MYCBP2: variants seen among roughly 807,000 people sequenced by gnomAD.
MYCBP2 encodes E3 ubiquitin-protein ligase MYCBP2.
MYCBP2 carries 120 observed loss-of-function variants against 525.3 expected under a neutral mutation model. The ratio of observed to expected loss-of-function variants is 0.23; its 90% CI spans 0.20 to 0.27. MYCBP2 has a LOEUF of 0.27. MYCBP2 is among the 10% of genes least tolerant of loss of function. The pLI is 1.00. For synonymous variants in MYCBP2, 1,894 were observed against 1,955.8 expected, an observed-to-expected ratio of 0.97 and a Z score of 0.83; for missense variants, 4,149 against 5,657.1, an observed-to-expected ratio of 0.73 and a Z score of 8.55.
chr13:77,280,957 T>A (rs560721877), intron 3 of MYCBP2, among the ~76,000 whole-genome samples: 1 of 152,332 alleles, frequency 6.6e-6, no homozygotes, highest in Non-Finnish European at 1.5e-5. Context: ...AAAATCAACC[T>A]CAAGTTCTGC....
chr13:77,101,515 C>A (rs561686893), intron 55 of MYCBP2, among the ~76,000 whole-genome samples: 1 of 151,964 alleles, frequency 6.6e-6, no homozygotes, highest in African/African-American at 2.4e-5. Context: ...ACCAGGAACA[C>A]CACTTGTCAT....
chr13:77,140,294 G>A (rs930612811), intron 50 of MYCBP2, 131 bp from the exon 51 acceptor site: 4 of 558,578 alleles, frequency 7.2e-6, no homozygotes, highest in Non-Finnish European at 1.3e-5. Flanking sequence ...TATTTGTAGA[G>A]AGGCTCCCTC....
intron 1 of MYCBP2, among the ~76,000 whole-genome samples, chr13:77,310,618 T>C (rs527508322): frequency 1.3e-5 from 2 of 152,172 alleles, no homozygotes; most frequent in South Asian, 2.1e-4. Context: ...ATATATATAA[T>C]TGGATTCCCA....
chr13:77,284,539 C>T (rs937299220), intron 3 of MYCBP2, among the ~76,000 whole-genome samples: 2 of 152,206 alleles, frequency 1.3e-5, no homozygotes, highest in African/African-American at 4.8e-5. Context: ...CCCATAGTAT[C>T]TGCTTGCCTC....
At chr13:77,169,395 CA>C (rs371575329) in intron 39 of MYCBP2, among the ~76,000 whole-genome samples, 767 of 33,794 alleles carry the variant, frequency 0.023, 1 homozygote, top group Non-Finnish European at 0.029. Flanking sequence ...GACTCCGTCT[CA>C]AAAAAAAAAA....
At chr13:77,115,259 T>C (rs528397272) in intron 55 of MYCBP2, among the ~76,000 whole-genome samples, 1 of 151,866 alleles carries the variant, frequency 6.6e-6, no homozygotes, top group Admixed American at 6.6e-5. Flanking sequence ...AAATAAGGAA[T>C]GTAATATTCT....
chr13:77,140,082 C>T lies in MYCBP2; in HGVS notation c.7483G>A (p.Val2495Met). 1 of 1,612,804 alleles carries T rather than the reference C, an allele frequency of 6.2e-7. No homozygotes were observed. Among genetic ancestry groups the T allele is most frequent in the Middle Eastern group, 1.7e-4 (1 of 6,054 alleles). Residue 2495 changes from valine (V) to methionine (M), a missense_variant, in exon 51 of 83, where the codon GTG (valine) becomes ATG (methionine). Around this residue, in one of 21 missense-constraint regions of MYCBP2, gnomAD observed 692 missense variants for 852.7 expected, o/e 0.81. Transcript: ENST00000544440. ...AAAGTGATAGTTCCATTGACTTTCA[C>T]TATGCCTATCTGCTCACTCTGAAGG... ...PSLQSEQIGI[V>M]KVNGTITFID...
In MYCBP2 at chr13:77,255,439, T is replaced by C. The variant is rs575451638; in HGVS notation, c.2176+2232A>G. 1.1e-3 allele frequency among the ~76,000 whole-genome samples: 164 copies of C among 152,058 alleles called. 1 individual carries two copies. The highest frequency in any genetic ancestry group is 1.7e-3 in the Non-Finnish European group (118 of 67,844). Reference sequence around the variant, plus strand: ...GTCACTGAAGAATCTAGAACATAGGTGTAAATGTACGCTCAATTTTCACAA... The same window carrying C: ...GTCACTGAAGAATCTAGAACATAGGCGTAAATGTACGCTCAATTTTCACAA... On this transcript the variant is annotated intron_variant, in intron 14 of 82. Coordinates refer to ENST00000544440, the MANE Select transcript of MYCBP2 (RefSeq NM_015057.5).
intron 3 of MYCBP2, among the ~76,000 whole-genome samples, chr13:77,281,125 T>A (rs193002592): frequency 6.6e-6 from 1 of 152,192 alleles, no homozygotes; most frequent in East Asian, 1.9e-4. Context: ...TGAAGTCTTA[T>A]AGTCAATGAA....
chr13:77,162,489 A>G (rs755682729), intron 43 of MYCBP2, among the ~76,000 whole-genome samples: 1 of 152,162 alleles, frequency 6.6e-6, no homozygotes, highest in Non-Finnish European at 1.5e-5. Flanking sequence ...TACTTGTTCA[A>G]TGGGAAATAC....
chr13:77,121,291 C>T (rs2050647126), intron 55 of MYCBP2, 82 bp downstream of exon 55: 1 of 1,224,626 alleles, frequency 8.2e-7, no homozygotes, highest in Non-Finnish European at 1.1e-6. Flanking sequence ...TCTGGGTGAA[C>T]ACAAATAAAA....
intron 55 of MYCBP2, among the ~76,000 whole-genome samples, chr13:77,102,823 T>C (rs2047278169): frequency 6.6e-6 from 1 of 151,858 alleles, no homozygotes; most frequent in Admixed American, 6.6e-5. Flanking sequence ...TATATAACAA[T>C]AAGTTTAAGA....
rs983930245 is a variant in MYCBP2 at position 77,173,776 on chromosome 13, GGTT to G, written c.5651+532_5651+534del. On this transcript the variant is annotated intron_variant, in intron 37 of 82. Coordinates refer to ENST00000544440, the MANE Select transcript of MYCBP2 (RefSeq NM_015057.5). ...ATTTAAAAGATTTTTTTAACCCAAG[GGTT>G]GTTATCATTCTTTTATTTTCCAAGG... 1.2e-4 allele frequency among the ~76,000 whole-genome samples: 18 copies of G among 152,180 alleles called. No individual in the cohort carries two copies. In the East Asian group the frequency reaches 3.3e-3, roughly 28 times the overall value.
chr13:77,088,761 G>T (rs2044825253), intron 61 of MYCBP2, 71 bp downstream of exon 61: 7 of 1,314,366 alleles, frequency 5.3e-6, no homozygotes, highest in Non-Finnish European at 7.5e-6. Context: ...TAAAAAAGTG[G>T]CATCGTGAAA....
At chr13:77,055,245 G>A (rs2037709785) in intron 80 of MYCBP2, among the ~76,000 whole-genome samples, 1 of 152,148 alleles carries the variant, frequency 6.6e-6, no homozygotes, top group Admixed American at 6.5e-5. Flanking sequence ...GGAAGGAATG[G>A]TTAGCAGAGT....
At chr13:77,215,530 G>A (rs2064701633) in intron 21 of MYCBP2, among the ~76,000 whole-genome samples, 1 of 152,184 alleles carries the variant, frequency 6.6e-6, no homozygotes, top group African/African-American at 2.4e-5. Flanking sequence ...TATAGAACAG[G>A]ACAGGTAAGA....
rs760708049 is a variant in MYCBP2 at position 77,061,616 on chromosome 13, A to C, written c.12903+46T>G. On this transcript the variant is annotated intron_variant, in intron 75 of 82. Transcript: ENST00000544440. Reference sequence around the variant, plus strand: ...AAAGCCTCTTTCACACATTTATTTCAAAATTCACTGAACATATTTTATGCT... The same window carrying C: ...AAAGCCTCTTTCACACATTTATTTCCAAATTCACTGAACATATTTTATGCT... 6.9e-6 allele frequency: 11 copies of C among 1,589,396 alleles called. No homozygotes were observed. The East Asian group carries it at 2.5e-4, about 36-fold the overall frequency.
intron 55 of MYCBP2, among the ~76,000 whole-genome samples, chr13:77,119,087 A>G (rs1389460962): frequency 1.3e-5 from 2 of 152,206 alleles, no homozygotes; most frequent in Non-Finnish European, 2.9e-5. Context: ...TTTTGCTTAG[A>G]TGAATAATTT....
intron 46 of MYCBP2, among the ~76,000 whole-genome samples, chr13:77,152,804 G>A (rs1039399430): frequency 6.6e-6 from 1 of 152,108 alleles, no homozygotes; most frequent in Non-Finnish European, 1.5e-5. Flanking sequence ...GGTGGCTCAC[G>A]CCTGTAATCC....
Sources: allele counts gnomAD v4.1 joint callset (sites outside exome capture counted in the v4.1 genomes callset), GRCh38; gene constraint gnomAD v4.1.1; regional missense constraint gnomAD v4.1.1; transcripts MANE v1.5; gene names NCBI Gene and HGNC (gene_info 2026-07-23, HGNC 2026-07-21).